Variants in GEMIN5 observed in about 807,000 individuals in gnomAD.
GEMIN5 encodes the protein gem-associated protein 5.
Under a neutral mutation model 176.9 loss-of-function variants are expected in GEMIN5, and 124 were observed. The ratio of observed to expected loss-of-function variants is 0.70; its 90% CI spans 0.61 to 0.81. The LOEUF (loss-of-function observed/expected upper bound fraction) is 0.81. Among genes scored for constraint, GEMIN5 ranks in the 40% least tolerant of loss-of-function variants. The probability of loss-of-function intolerance (pLI) is 0.00; values close to 1 mark genes in which losing one functional copy is unlikely to be tolerated. For synonymous variants in GEMIN5, 673 were observed against 665.2 expected, an observed-to-expected ratio of 1.01 and a Z score of -0.18; for missense variants, 1,843 against 1,814.6, an observed-to-expected ratio of 1.02 and a Z score of -0.28.
chr5:154,899,831 C>T (rs535411467), intron 21 of GEMIN5, among the ~76,000 whole-genome samples: 63 of 152,108 alleles, frequency 4.1e-4, no homozygotes, highest in African/African-American at 1.5e-3. Context: ...ATTTTGTGTT[C>T]TCTGCTGCAT....
At chr5:154,895,029 A>G (rs1476549628) in intron 24 of GEMIN5, among the ~76,000 whole-genome samples, 1 of 139,468 alleles carries the variant, frequency 7.2e-6, no homozygotes, top group Non-Finnish European at 1.6e-5. Context: ...CAGTGAGCAG[A>G]TATCATGCCA....
chr5:154,913,634 T>C (rs1763751263), intron 13 of GEMIN5, among the ~76,000 whole-genome samples: 1 of 151,790 alleles, frequency 6.6e-6, no homozygotes, highest in African/African-American at 2.4e-5. Context: ...GACCGGCCTG[T>C]GGAAACCCTG....
chr5:154,889,832 T>C (rs1763187743), intron 26 of GEMIN5, among the ~76,000 whole-genome samples: 1 of 152,266 alleles, frequency 6.6e-6, no homozygotes, highest in South Asian at 2.1e-4. Flanking sequence ...GACATTCCAT[T>C]GTATGGATAT....
chr5:154,937,987 T>TG lies in GEMIN5; in HGVS notation c.146dup (p.Gly50ArgfsTer81). ...AGTTACCTCGAAACGGGGGTGTCCC[T>TG]GGACTCTCGCCTGCGCCCGGGCCCA... On this transcript the variant is annotated frameshift_variant, in exon 1 of 28. Transcript: ENST00000285873. LOFTEE classifies it high-confidence loss of function. 2 of 1,574,620 alleles carry TG rather than the reference T, an allele frequency of 1.3e-6. No homozygotes were observed. Among genetic ancestry groups the TG allele is most frequent in the Non-Finnish European group, 1.7e-6 (2 of 1,162,750 alleles).
chr5:154,908,172 CTTTTTTTTTTTT>C (rs386405383), intron 15 of GEMIN5, among the ~76,000 whole-genome samples: 6 of 73,064 alleles, frequency 8.2e-5, no homozygotes, highest in East Asian at 5.8e-4. Context: ...CCCAGATGTC[CTTTTTTTTTTTT>C]TTTTTTTTTT....
At chr5:154,889,966 T>C (rs1450461508) in intron 26 of GEMIN5, among the ~76,000 whole-genome samples, 1 of 152,250 alleles carries the variant, frequency 6.6e-6, no homozygotes, top group Non-Finnish European at 1.5e-5. Flanking sequence ...CTTTCAATTC[T>C]TTTGGGTGTA....
intron 13 of GEMIN5, among the ~76,000 whole-genome samples, chr5:154,915,227 C>T (rs1763786712): frequency 6.6e-6 from 1 of 152,060 alleles, no homozygotes; most frequent in African/African-American, 2.4e-5. Context: ...ACTACTAGAA[C>T]CAAAAATATT....
intron 17 of GEMIN5, 68 bp downstream of exon 17, chr5:154,905,295 G>C: frequency 1.5e-6 from 1 of 667,900 alleles, no homozygotes; most frequent in Non-Finnish European, 2.6e-6. Context: ...TTTGACAGTT[G>C]CGTGTAATAT....
At chr5:154,895,003 T>C (rs558712978) in intron 24 of GEMIN5, among the ~76,000 whole-genome samples, 44 of 151,016 alleles carry the variant, frequency 2.9e-4, no homozygotes, top group African/African-American at 7.8e-4. Context: ...TGCTTGAACC[T>C]GGGAGGCGGA....
rs749775695 is a variant in GEMIN5 at position 154,891,435 on chromosome 5, A to G, written c.4068T>C (p.Phe1356=). Residue 1356 remains phenylalanine (F), a synonymous_variant, in exon 26 of 28, where the codon TTT becomes TTC. Coordinates refer to ENST00000285873, the MANE Select transcript of GEMIN5 (RefSeq NM_015465.5). Reference sequence around the variant, plus strand: ...CATGCTTTTCTGAAAAGAGCTCCTTAAAAGTACTCAGCATTCGCTCACCTT... The same window carrying G: ...CATGCTTTTCTGAAAAGAGCTCCTTGAAAGTACTCAGCATTCGCTCACCTT... ...TEEGERMLST[F]KELFSEKHAS... is the part of the protein sequence containing the mutation. The G allele has an allele frequency of 8.7e-6, 14 of 1,613,994 alleles. No individual in the cohort carries two copies. The highest frequency in any genetic ancestry group is 1.7e-5 in the Admixed American group (1 of 59,994).
chr5:154,920,853 AAAAG>A (rs1422176017), intron 10 of GEMIN5, among the ~76,000 whole-genome samples: 4 of 152,228 alleles, frequency 2.6e-5, no homozygotes, highest in Non-Finnish European at 4.4e-5. Flanking sequence ...AGGAATAAGA[AAAAG>A]AAAGACAAGG....
In GEMIN5 at chr5:154,896,077, G is replaced by C. The variant is rs1763343778; in HGVS notation, c.3597+15C>G. ...ACTGAGTGATTAATGTCAAATGCTG[G>C]TACAGATGGCTTACCTGTTTGGCAG... On this transcript the variant is annotated intron_variant, in intron 24 of 27. Coordinates refer to ENST00000285873, the MANE Select transcript of GEMIN5 (RefSeq NM_015465.5). 1 of 1,611,948 alleles carries C rather than the reference G, an allele frequency of 6.2e-7. No homozygotes were observed.
chr5:154,902,483 G>A (rs1326788396), intron 20 of GEMIN5, 56 bp downstream of exon 20: 12 of 1,548,256 alleles, frequency 7.8e-6, no homozygotes, highest in Admixed American at 3.4e-5. Flanking sequence ...TTTAGTGGAC[G>A]TATCCTAGAG....
At position 154,912,969 on chromosome 5, in the gene GEMIN5, A is replaced by T. The variant is rs1288082186; in HGVS notation, c.1925T>A (p.Ile642Asn). Residue 642 changes from isoleucine to asparagine, a missense_variant, in exon 14 of 28, where the codon ATT becomes AAT. By Grantham distance (149) the Ile-to-Asn change is moderately radical. Transcript: ENST00000285873. ...ATGTGGGCTCCACGCCACACTGGTA[A>T]TCTTGGCCGTATGCCCTGAGAGGGT... The part of the protein sequence containing the change: ...YRTLSGHTAK[I>N]TSVAWSPHHD... 1 of 1,613,866 alleles carries T rather than the reference A, an allele frequency of 6.2e-7. No homozygotes were observed. The highest frequency in any genetic ancestry group is 2.2e-5 in the East Asian group (1 of 44,880).
intron 15 of GEMIN5, 42 bp from the exon 16 acceptor site, chr5:154,907,860 T>C: frequency 6.8e-7 from 1 of 1,471,566 alleles, no homozygotes; most frequent in Non-Finnish European, 9.5e-7. Context: ...GTATACATTC[T>C]TGGTTAAAAG....
Position 154,888,113 on chromosome 5 carries a change from T to A in GEMIN5, c.*97A>T. On this transcript the variant is annotated 3_prime_UTR_variant, in exon 28 of 28. Coordinates refer to ENST00000285873, the MANE Select transcript of GEMIN5 (RefSeq NM_015465.5). The stretch of plus-strand genomic sequence containing the variant: ...ATTCTTTTGGATTACTGCAAAAACA[T>A]CTAGGGACCAGAGTGAATGTCTGGT... 2 of 1,155,130 alleles carry A rather than the reference T, an allele frequency of 1.7e-6. No homozygotes were observed. Among genetic ancestry groups the A allele is most frequent in the Non-Finnish European group, 2.6e-6 (2 of 777,274 alleles). 71.6% of individuals were successfully genotyped at this position (1,155,130 alleles called of 1,614,324 possible).
At chr5:154,914,301 G>A (rs575617125) in intron 13 of GEMIN5, among the ~76,000 whole-genome samples, 205 of 152,224 alleles carry the variant, frequency 1.3e-3, no homozygotes, top group Non-Finnish European at 2.6e-3. Context: ...GATTATAGGC[G>A]TGAGCCACCA....
chr5:154,927,263 C>T, intron 7 of GEMIN5, 122 bp downstream of exon 7: 2 of 600,042 alleles, frequency 3.3e-6, no homozygotes, highest in Non-Finnish European at 6.1e-6. Flanking sequence ...GTAGCAGTAA[C>T]TCTGAAATTG....
intron 24 of GEMIN5, among the ~76,000 whole-genome samples, chr5:154,893,200 C>T (rs1446561390): frequency 6.6e-6 from 1 of 151,016 alleles, no homozygotes; most frequent in Non-Finnish European, 1.5e-5. Flanking sequence ...CACCTATAAC[C>T]CCATCACTTT....
Sources: allele counts gnomAD v4.1 joint callset (sites outside exome capture counted in the v4.1 genomes callset), GRCh38; gene constraint gnomAD v4.1.1; transcripts MANE v1.5; gene names NCBI Gene and HGNC (gene_info 2026-07-23, HGNC 2026-07-21).